DENND2B: variants seen among roughly 807,000 people sequenced by gnomAD.
DENND2B encodes DENN domain-containing protein 2B.
In DENND2B, 32 loss-of-function variants were observed where a neutral mutation model predicts 116.0. The observed-to-expected ratio is 0.28, with a 90% CI of 0.21 to 0.37. The LOEUF (loss-of-function observed/expected upper bound fraction) is 0.37. DENND2B is among the 10% of genes least tolerant of loss of function. DENND2B has a pLI of 1.00. For synonymous variants in DENND2B, 588 were observed against 583.9 expected (o/e 1.01, Z -0.10); for missense variants, 1,276 against 1,477.7 (o/e 0.86, Z 2.24).
chr11:8,778,061 A>G (rs960728442), intron 1 of DENND2B, among the ~76,000 whole-genome samples: 2 of 152,236 alleles, frequency 1.3e-5, no homozygotes, highest in African/African-American at 4.8e-5. Flanking sequence ...TGTACAGCTC[A>G]GGTCAGCCAG....
At chr11:8,775,542 C>T (rs1449789657) in intron 1 of DENND2B, among the ~76,000 whole-genome samples, 1 of 152,082 alleles carries the variant, frequency 6.6e-6, no homozygotes, top group African/African-American at 2.4e-5. Context: ...GGTGGGGACA[C>T]ACCCCAGCTG....
intron 1 of DENND2B, among the ~76,000 whole-genome samples, chr11:8,906,205 CTTT>C (rs34217164): frequency 6.4e-5 from 6 of 93,304 alleles, no homozygotes; most frequent in Admixed American, 1.5e-4. Context: ...TCTTTTTTTT[CTTT>C]TTTTTTTTTT....
rs1482135633 is a variant in DENND2B, at chr11:8,707,686, C to T, written c.2430+91G>A. 1.3e-5 allele frequency: 16 copies of T among 1,259,568 alleles called. No individual in the cohort carries two copies. The highest frequency in any genetic ancestry group is 2.4e-4 in the Middle Eastern group (1 of 4,108). 78.0% of individuals were successfully genotyped at this position (1,259,568 alleles called of 1,614,324 possible). ...TCTGTCTCCCGCTCGCTCACAGTCA[C>T]AGGTGGTTTTCTCATCTAAGCTGGC... On this transcript the variant is annotated intron_variant, in intron 12 of 19. Coordinates refer to ENST00000313726, the MANE Select transcript of DENND2B (RefSeq NM_213618.2). This position sits in a 1 kb window ranked among gnomAD's most constrained non-coding sequence, Gnocchi z 4.8.
intron 3 of DENND2B, among the ~76,000 whole-genome samples, chr11:8,853,953 A>T (rs1412977300): frequency 1.3e-5 from 2 of 149,108 alleles, no homozygotes; most frequent in Non-Finnish European, 3.0e-5. Flanking sequence ...GGCTCAAGCA[A>T]TCCTCCCCCC....
At chr11:8,850,560 A>G (rs1336321494) in intron 3 of DENND2B, among the ~76,000 whole-genome samples, 1 of 152,136 alleles carries the variant, frequency 6.6e-6, no homozygotes, top group African/African-American at 2.4e-5. Context: ...GTTGGAGAGG[A>G]TGTGGAGGTT....
intron 1 of DENND2B, chr11:8,776,144 G>GCA (rs1565922919): frequency 5.3e-6 from 1 of 190,284 alleles, no homozygotes; most frequent in Admixed American, 5.5e-5. Context: ...ACGCACGTGC[G>GCA]CGCACGCGCG....
At chr11:8,853,331 A>G (rs1008014546) in intron 3 of DENND2B, among the ~76,000 whole-genome samples, 2 of 152,126 alleles carry the variant, frequency 1.3e-5, no homozygotes, top group Non-Finnish European at 2.9e-5. Flanking sequence ...CCATTGCACT[A>G]CAGCCTGGGC....
At chr11:8,899,200 AG>A (rs995447090) in intron 1 of DENND2B, among the ~76,000 whole-genome samples, 26 of 152,108 alleles carry the variant, frequency 1.7e-4, no homozygotes, top group African/African-American at 6.3e-4. Flanking sequence ...AAAATGAACA[AG>A]CCTCAGAGAT....
intron 3 of DENND2B, 59 bp from the exon 4 acceptor site, chr11:8,726,268 G>C (rs1308869126): frequency 1.3e-6 from 2 of 1,551,862 alleles, no homozygotes; most frequent in Non-Finnish European, 1.7e-6. Flanking sequence ...TGCCTTGCTG[G>C]GGAATGTCCA....
At chr11:8,827,337 A>G (rs747681802) in intron 4 of DENND2B, among the ~76,000 whole-genome samples, 3 of 152,220 alleles carry the variant, frequency 2.0e-5, no homozygotes, top group Non-Finnish European at 2.9e-5. Context: ...TTACAAGGCC[A>G]TGGGACTCCA....
In DENND2B at chr11:8,726,200, A is replaced by T; in HGVS notation, c.1350T>A (p.Phe450Leu). The change falls in exon 4 of 20, where the codon TTT (phenylalanine) becomes TTA (leucine). Residue 450 changes from phenylalanine to leucine, a missense_variant. By Grantham distance (22) the Phe-to-Leu change is conservative. This residue lies in a region of DENND2B where 856 missense variants were observed against 846.6 expected (regional missense o/e 1.01). Coordinates refer to ENST00000313726, the MANE Select transcript of DENND2B (RefSeq NM_213618.2). Reference sequence around the variant, plus strand: ...GGAGACTGGATGCATCCTCAAACTCAAAGGATTTTCTGTGGATAACAAGAG... The same window carrying T: ...GGAGACTGGATGCATCCTCAAACTCTAAGGATTTTCTGTGGATAACAAGAG... ...GHRKSQSRKS[F>L]EFEDASSLQS... The T allele has an allele frequency of 6.2e-7, 1 of 1,609,420 alleles. No homozygotes were observed. The highest frequency in any genetic ancestry group is 8.5e-7 in the Non-Finnish European group (1 of 1,177,960).
chr11:8,800,445 T>G (rs1280527110), intron 1 of DENND2B, among the ~76,000 whole-genome samples: 1 of 152,212 alleles, frequency 6.6e-6, no homozygotes, highest in South Asian at 2.1e-4. Context: ...AAGGAGCTAC[T>G]GTCGAATCTG....
At chr11:8,807,431 G>C (rs1312130489) in intron 1 of DENND2B, among the ~76,000 whole-genome samples, 1 of 152,148 alleles carries the variant, frequency 6.6e-6, no homozygotes, top group African/African-American at 2.4e-5. Flanking sequence ...GTGGGGCCAT[G>C]ATACTTGGAT....
At chr11:8,882,177 A>G (rs1388193275) in intron 1 of DENND2B, among the ~76,000 whole-genome samples, 1 of 152,210 alleles carries the variant, frequency 6.6e-6, no homozygotes, top group Admixed American at 6.5e-5. Flanking sequence ...TAGATGTTCC[A>G]GACACCTCAA....
chr11:8,858,604 G>A (rs569982522), intron 2 of DENND2B, among the ~76,000 whole-genome samples: 2 of 152,318 alleles, frequency 1.3e-5, no homozygotes, highest in East Asian at 3.9e-4. Flanking sequence ...GAACTTGGTA[G>A]TAAATGTGCA....
At chr11:8,784,289 G>C (rs2058680591) in intron 1 of DENND2B, 1 of 151,596 alleles carries the variant, frequency 6.6e-6, no homozygotes, top group Non-Finnish European at 1.5e-5. Flanking sequence ...GGCATGGACA[G>C]GGAGGTGCAT....
Position 8,729,987 on chromosome 11 carries a change from T to G in DENND2B, c.1303A>C (p.Lys435Gln). The change falls in exon 3 of 20, where the codon AAG becomes CAG. Residue 435 changes from lysine to glutamine, a missense_variant. Lys to Gln is a moderately conservative substitution (Grantham distance 53, BLOSUM62 1). This residue lies in a region of DENND2B where 856 missense variants were observed against 846.6 expected (regional missense o/e 1.01). Coordinates refer to ENST00000313726, the MANE Select transcript of DENND2B (RefSeq NM_213618.2). The part of the protein sequence containing the change: ...TPAPPVTRRP[K>Q]KDMRGHRKSQ... ...TTGCGGTGACCACGCATGTCCTTCT[T>G]GGGTCTCCGGGTGACTGGCGGGGCT... 1.2e-6 allele frequency: 2 copies of G among 1,614,098 alleles called. No homozygotes were observed. The highest frequency in any genetic ancestry group is 1.7e-6 in the Non-Finnish European group (2 of 1,179,992).
At chr11:8,826,719 G>A (rs2061991886) in intron 4 of DENND2B, among the ~76,000 whole-genome samples, 1 of 152,120 alleles carries the variant, frequency 6.6e-6, no homozygotes, top group Non-Finnish European at 1.5e-5. Context: ...TTTCCCCAAG[G>A]TTAAGAACTT....
At chr11:8,726,819 G>A (rs1422265428) in intron 3 of DENND2B, among the ~76,000 whole-genome samples, 1 of 152,212 alleles carries the variant, frequency 6.6e-6, no homozygotes, top group Non-Finnish European at 1.5e-5. Flanking sequence ...TCAGGGGGTT[G>A]GAAAAGCAGT....
Sources: allele counts gnomAD v4.1 joint callset (sites outside exome capture counted in the v4.1 genomes callset), GRCh38; gene constraint gnomAD v4.1.1; regional missense constraint gnomAD v4.1.1; non-coding constraint Gnocchi (gnomAD v3.1); transcripts MANE v1.5; gene names NCBI Gene and HGNC (gene_info 2026-07-23, HGNC 2026-07-21).